RIC1: variants seen among roughly 807,000 people sequenced by gnomAD.
RIC1 encodes the protein RIC1 partner of RAB6A GEF complex, also known as guanine nucleotide exchange factor subunit RIC1.
RIC1 carries 88 observed loss-of-function variants against 169.0 expected under a neutral mutation model. The ratio of observed to expected loss-of-function variants is 0.52; its 90% CI spans 0.44 to 0.62. The LOEUF (loss-of-function observed/expected upper bound fraction) is 0.62, where lower values mean the gene tolerates loss of function less well. RIC1 is among the 20% of genes least tolerant of loss of function. The pLI is 0.00. For missense variants in RIC1, 1,877 were observed against 1,725.5 expected, an observed-to-expected ratio of 1.09 and a Z score of -1.56; for synonymous variants, 790 against 601.5, an observed-to-expected ratio of 1.31 and a Z score of -4.59.
In RIC1 at chr9:5,776,289, AC is replaced by A. The variant is rs1356207612; in HGVS notation, c.*2045del. ...AAATTTGGTAATTTATTTGTTATAT[AC>A]CTTAATTTTTAAAAACCCATTTTTA... On this transcript the variant is annotated 3_prime_UTR_variant, in exon 26 of 26. Transcript: ENST00000414202. 6.6e-6 allele frequency: 1 copy of A among 152,136 alleles called. No homozygotes were observed. The highest frequency in any genetic ancestry group is 1.9e-4 in the East Asian group (1 of 5,196). 9.4% of individuals were successfully genotyped at this position (152,136 alleles called of 1,614,324 possible).
chr9:5,762,255 T>G (rs926745405), intron 17 of RIC1, among the ~76,000 whole-genome samples: 2 of 152,224 alleles, frequency 1.3e-5, no homozygotes, highest in African/African-American at 4.8e-5. Context: ...GATCTCTCAT[T>G]TTTATAAACT....
rs1826501713 is a variant in RIC1, at chr9:5,763,897, A to C, written c.2841+29A>C. The C allele has an allele frequency of 1.6e-5, 25 of 1,574,052 alleles. No individual in the cohort carries two copies. Among genetic ancestry groups the C allele is most frequent in the Non-Finnish European group, 2.2e-5 (25 of 1,158,054 alleles). ...ACAATTCTCTTCTTATAAAGGGGCA[A>C]GAATTAATGAGCTTAAACTTAGAAA... On this transcript the variant is annotated intron_variant, in intron 19 of 25. Coordinates refer to ENST00000414202, the MANE Select transcript of RIC1 (RefSeq NM_020829.4). The surrounding 1 kb of genome is among the most constrained non-coding windows in gnomAD (Gnocchi z 5.2).
Position 5,720,731 on chromosome 9 carries a change from C to A in RIC1, c.701C>A (p.Ser234Ter). ...DGKVGFITPVSSRFTAEQLHG... is the reference protein window; with the variant it reads ...DGKVGFITPV ...AAAGTTGGATTTATTACACCAGTGTCAAGTAGATTTACTGCAGAGGTATGA... is the reference window on the plus strand; with the variant it reads ...AAAGTTGGATTTATTACACCAGTGTAAAGTAGATTTACTGCAGAGGTATGA... Residue 234 changes from serine (S) to a stop codon, truncating the protein, a stop_gained, in exon 6 of 26, where the codon TCA becomes TAA. Coordinates refer to ENST00000414202, the MANE Select transcript of RIC1 (RefSeq NM_020829.4). LOFTEE classifies it high-confidence loss of function. The A allele has an allele frequency of 6.2e-7, 1 of 1,608,092 alleles. No homozygotes were observed. Among genetic ancestry groups the A allele is most frequent in the South Asian group, 1.1e-5 (1 of 89,762 alleles).
chr9:5,756,200 T>G lies in RIC1; in HGVS notation c.1693-12T>G. On this transcript the variant is annotated splice_polypyrimidine_tract_variant and intron_variant, in intron 15 of 25. Coordinates refer to ENST00000414202, the MANE Select transcript of RIC1 (RefSeq NM_020829.4). ...TTGTTTTTATAATTTTCTTCATTTTTGTTTTCTTCAGCTTAGAGTATACTT... is the reference window on the plus strand; with the variant it reads ...TTGTTTTTATAATTTTCTTCATTTTGGTTTTCTTCAGCTTAGAGTATACTT... 3 of 1,496,050 alleles carry G rather than the reference T, an allele frequency of 2.0e-6. No individual in the cohort carries two copies. Among genetic ancestry groups the G allele is most frequent in the Non-Finnish European group, 2.7e-6 (3 of 1,111,964 alleles). 92.7% of individuals were successfully genotyped at this position (1,496,050 alleles called of 1,614,324 possible). A position where few individuals can be genotyped will look rare whatever the true frequency, so the allele number is the denominator to read the frequency against.
chr9:5,715,240 T>C (rs1255267135), intron 4 of RIC1, among the ~76,000 whole-genome samples: 1 of 152,186 alleles, frequency 6.6e-6, no homozygotes, highest in Non-Finnish European at 1.5e-5. Flanking sequence ...GAATTCTGAG[T>C]GTCTGTAGGT....
chr9:5,715,550 G>A (rs985678421), intron 4 of RIC1, among the ~76,000 whole-genome samples: 15 of 152,164 alleles, frequency 9.9e-5, no homozygotes, highest in Admixed American at 8.5e-4. Context: ...TAAATCGAGT[G>A]AGAAGACATG....
At chr9:5,762,433 A>G (rs1323054777) in intron 17 of RIC1, 108 bp from the exon 18 acceptor site, 1 of 1,361,968 alleles carries the variant, frequency 7.3e-7, no homozygotes, top group Non-Finnish European at 1.0e-6. Flanking sequence ...GTACAACCTC[A>G]ATAAATAATG....
At chr9:5,664,284 A>G (rs542220814) in intron 2 of RIC1, among the ~76,000 whole-genome samples, 4 of 152,074 alleles carry the variant, frequency 2.6e-5, no homozygotes, top group Admixed American at 6.5e-5. Context: ...GTCGTGGCGC[A>G]TACCTGTAGT....
chr9:5,696,360 G>A (rs1438309606), intron 3 of RIC1, among the ~76,000 whole-genome samples: 3 of 151,274 alleles, frequency 2.0e-5, no homozygotes, highest in Admixed American at 6.6e-5. Context: ...CCTATTTAAT[G>A]CCTCTATTCC....
At chr9:5,660,394 G>T (rs1366430129) in intron 2 of RIC1, among the ~76,000 whole-genome samples, 1 of 152,136 alleles carries the variant, frequency 6.6e-6, no homozygotes, top group Admixed American at 6.5e-5. Flanking sequence ...GGGTCAAACG[G>T]TATTTCTGCC....
intron 6 of RIC1, among the ~76,000 whole-genome samples, chr9:5,722,936 T>C (rs773862616): frequency 1.4e-4 from 22 of 152,240 alleles, no homozygotes; most frequent in Non-Finnish European, 2.6e-4. Context: ...ATGTGCCACA[T>C]TTTCTTAATC....
downstream of RIC1, among the ~76,000 whole-genome samples, chr9:5,778,355 TCTTC>T (rs1298210301): frequency 6.6e-6 from 1 of 152,232 alleles, no homozygotes; most frequent in African/African-American, 2.4e-5. Flanking sequence ...TAGTTTGAAC[TCTTC>T]CTTTTCAATC....
intron 2 of RIC1, among the ~76,000 whole-genome samples, chr9:5,675,283 A>G (rs1033507741): frequency 1.3e-5 from 2 of 152,186 alleles, no homozygotes; most frequent in African/African-American, 4.8e-5. Flanking sequence ...TGAGCAGGTA[A>G]TGGGAACGAG....
chr9:5,719,982 AGTGCCCATAG>A (rs1366454789), intron 4 of RIC1, among the ~76,000 whole-genome samples, 190 bp from the exon 5 acceptor site: 2 of 152,282 alleles, frequency 1.3e-5, no homozygotes, highest in African/African-American at 4.8e-5. Context: ...TGTGACTGTG[AGTGCCCATAG>A]TCTTTCATTT....
chr9:5,665,248 C>G (rs59250520), intron 2 of RIC1, among the ~76,000 whole-genome samples: 2,049 of 151,326 alleles, frequency 0.014, 56 homozygotes, highest in African/African-American at 0.047. Context: ...GGCTGCTTAT[C>G]TCTCACATTG....
At chr9:5,699,237 C>T (rs1038870807) in intron 3 of RIC1, among the ~76,000 whole-genome samples, 28 of 152,182 alleles carry the variant, frequency 1.8e-4, no homozygotes, top group African/African-American at 5.6e-4. Context: ...CTGTGTAGTA[C>T]TGTAGTTTCC....
intron 12 of RIC1, among the ~76,000 whole-genome samples, chr9:5,748,955 G>T (rs1469859264): frequency 6.6e-6 from 1 of 152,128 alleles, no homozygotes. Flanking sequence ...TAGTTTATCA[G>T]TTTCCTTAAA....
chr9:5,679,549 C>G (rs1057092833), intron 2 of RIC1, among the ~76,000 whole-genome samples: 10 of 151,834 alleles, frequency 6.6e-5, no homozygotes, highest in Non-Finnish European at 1.5e-4. Context: ...TTGAAGAGGT[C>G]CTTCACATCC....
At chr9:5,748,204 C>G (rs1020418491) in intron 12 of RIC1, among the ~76,000 whole-genome samples, 2 of 152,110 alleles carry the variant, frequency 1.3e-5, no homozygotes, top group Non-Finnish European at 2.9e-5. Flanking sequence ...GTTTTCTTTC[C>G]CTTTTTGATA....
Sources: gnomAD v4.1 joint callset for allele counts (sites outside exome capture counted in the v4.1 genomes callset) on GRCh38, gnomAD v4.1.1 for gene constraint, Gnocchi (gnomAD v3.1) non-coding constraint, MANE v1.5 for transcripts, NCBI Gene and HGNC (gene_info 2026-07-23, HGNC 2026-07-21) for gene names.